PRKAB1: variants seen among roughly 807,000 people sequenced by gnomAD.
The protein encoded by PRKAB1 is 5'-AMP-activated protein kinase subunit beta-1.
In PRKAB1, 18 loss-of-function variants were observed where a neutral mutation model predicts 32.0. The observed-to-expected ratio is 0.56, with a 90% confidence interval of 0.39 to 0.83. PRKAB1 has a LOEUF of 0.83. PRKAB1 is among the 40% of genes least tolerant of loss of function. The probability of loss-of-function intolerance (pLI) is 0.00; values close to 1 mark genes in which losing one functional copy is unlikely to be tolerated. For synonymous variants in PRKAB1, 141 were observed against 141.4 expected, an observed-to-expected ratio of 1.00 and a Z score of 0.02; for missense variants, 263 against 352.6, an observed-to-expected ratio of 0.75 and a Z score of 2.03.
In PRKAB1 at chr12:119,674,156, A is replaced by C; in HGVS notation, c.417+99A>C. On this transcript the variant is annotated intron_variant, in intron 3 of 6. Transcript: ENST00000229328. This position sits in a 1 kb window ranked among gnomAD's most constrained non-coding sequence, Gnocchi z 4.3. ...GCTAGGTCCCTTTGCCCAGCTAGTAAAAGTCCCCGTGTGTGGCAGAGCTGA... is the reference window on the plus strand; with the variant it reads ...GCTAGGTCCCTTTGCCCAGCTAGTACAAGTCCCCGTGTGTGGCAGAGCTGA... 1 of 1,228,872 alleles carries C rather than the reference A, an allele frequency of 8.1e-7. No homozygotes were observed. Among genetic ancestry groups the C allele is most frequent in the Non-Finnish European group, 1.2e-6 (1 of 855,570 alleles). The allele number at this position is 1,228,872 out of a possible 1,614,324, so 76.1% of individuals were successfully genotyped here.
rs750394660 is a variant in PRKAB1, at chr12:119,673,998, G to C, written c.358G>C (p.Glu120Gln). The stretch of plus-strand genomic sequence containing the variant: ...CTTTGTAGCCATCCTGGATCTGCCG[G>C]AAGGAGAGCATCAGTACAAGTTCTT... ...NNFVAILDLP[E>Q]GEHQYKFFVD... Residue 120 changes from glutamate (E) to glutamine (Q), a missense_variant, in exon 3 of 7, where the codon GAA (glutamate) becomes CAA (glutamine). Glu to Gln is a conservative substitution (Grantham distance 29). Coordinates refer to ENST00000229328, the MANE Select transcript of PRKAB1 (RefSeq NM_006253.5). 6.2e-7 allele frequency: 1 copy of C among 1,614,004 alleles called. No individual in the cohort carries two copies. Among genetic ancestry groups the C allele is most frequent in the South Asian group, 1.1e-5 (1 of 91,066 alleles).
rs1159091529 is a variant in PRKAB1, at chr12:119,679,380, G to A, written c.667-553G>A. The A allele has an allele frequency of 6.3e-6, 1 of 157,848 alleles. No individual in the cohort carries two copies. The highest frequency in any genetic ancestry group is 2.4e-5 in the African/African-American group (1 of 41,466). 9.8% of individuals were successfully genotyped at this position (157,848 alleles called of 1,614,324 possible). ...ATTTGAATTGCATTTATAACAGTTG[G>A]GGGTATACAATGAAAAAATAAATCC... On this transcript the variant is annotated intron_variant, in intron 5 of 6. Coordinates refer to ENST00000229328, the MANE Select transcript of PRKAB1 (RefSeq NM_006253.5). This position sits in a 1 kb window ranked among gnomAD's most constrained non-coding sequence, Gnocchi z 4.1.
intron 5 of PRKAB1, chr12:119,677,965 C>A (rs374992155): frequency 6.6e-6 from 1 of 152,214 alleles, no homozygotes; most frequent in East Asian, 1.9e-4. Flanking sequence ...GGGGTTTCAC[C>A]ATGTTAGCCA....
At chr12:119,671,026 T>C (rs2136851161) in intron 1 of PRKAB1, among the ~76,000 whole-genome samples, 1 of 152,368 alleles carries the variant, frequency 6.6e-6, no homozygotes, top group African/African-American at 2.4e-5. Context: ...ACTACATATG[T>C]CATCCAGATA....
intron 6 of PRKAB1, 101 bp downstream of exon 6, chr12:119,680,102 T>C: frequency 6.6e-7 from 1 of 1,507,124 alleles, no homozygotes; most frequent in Non-Finnish European, 9.2e-7. Flanking sequence ...AAAGGGCAGC[T>C]TCCAGGGTCT....
chr12:119,676,574 G>A lies in PRKAB1; in HGVS notation c.570G>A (p.Glu190=), dbSNP rs1339234565. Residue 190 remains glutamate, a synonymous_variant, in exon 5 of 7, where the codon GAG becomes GAA. Coordinates refer to ENST00000229328, the MANE Select transcript of PRKAB1 (RefSeq NM_006253.5). The stretch of plus-strand genomic sequence containing the variant: ...CTCCCCCAGGACCCTACCATCAGGA[G>A]CCCTACGTCTGCAAACCCGAAGAGC... ...SSSPPGPYHQ[E]PYVCKPEERF... The A allele has an allele frequency of 1.2e-6, 2 of 1,613,612 alleles. No individual in the cohort carries two copies. Among genetic ancestry groups the A allele is most frequent in the Non-Finnish European group, 8.5e-7 (1 of 1,179,606 alleles).
chr12:119,680,092 A>G, intron 6 of PRKAB1, 91 bp downstream of exon 6: 1 of 1,518,570 alleles, frequency 6.6e-7, no homozygotes, highest in Non-Finnish European at 9.1e-7. Context: ...GGACTGACTT[A>G]AAGGGCAGCT....
Position 119,673,963 on chromosome 12 carries a change from G to A in PRKAB1, c.324-1G>A. On this transcript the variant is annotated splice_acceptor_variant, in intron 2 of 6. Coordinates refer to ENST00000229328, the MANE Select transcript of PRKAB1 (RefSeq NM_006253.5). LOFTEE classifies it high-confidence loss of function. Reference sequence around the variant, plus strand: ...GTCCTCTGCTTCCTTTTTCCTTGCAGCCACAATAACTTTGTAGCCATCCTG... The same window carrying A: ...GTCCTCTGCTTCCTTTTTCCTTGCAACCACAATAACTTTGTAGCCATCCTG... 6.2e-7 allele frequency: 1 copy of A among 1,610,582 alleles called. No individual in the cohort carries two copies. The highest frequency in any genetic ancestry group is 8.5e-7 in the Non-Finnish European group (1 of 1,178,710).
intron 1 of PRKAB1, chr12:119,671,463 T>C (rs985282090): frequency 4.8e-6 from 2 of 418,058 alleles, no homozygotes; most frequent in Admixed American, 5.1e-5. Context: ...CTTAGGAAAC[T>C]TACAATCATG....
Position 119,680,234 on chromosome 12 carries a change from ACCTTGTT to A in PRKAB1, c.736-9_736-3del. On this transcript the variant is annotated splice_region_variant and splice_polypyrimidine_tract_variant and intron_variant, in intron 6 of 6. Coordinates refer to ENST00000229328, the MANE Select transcript of PRKAB1 (RefSeq NM_006253.5). ...CTTAGTCCAGCCTTTGATCATTTCC[ACCTTGTT>A]CCTTAGGATGGAGTGATGGTGCTCA... 1 of 1,612,436 alleles carries A rather than the reference ACCTTGTT, an allele frequency of 6.2e-7. No individual in the cohort carries two copies. Among genetic ancestry groups the A allele is most frequent in the Non-Finnish European group, 8.5e-7 (1 of 1,178,708 alleles).
At chr12:119,671,707 C>T (rs1955390126) in intron 1 of PRKAB1, 1 of 215,466 alleles carries the variant, frequency 4.6e-6, no homozygotes, top group Non-Finnish European at 9.8e-6. Flanking sequence ...AACCGTATCA[C>T]CTAGTCTATA....
Position 119,679,579 on chromosome 12 carries a change from C to A in PRKAB1, c.667-354C>A. Reference sequence around the variant, plus strand: ...ATCCATTGCTCAGGAGCGTTTAGTGCAGATGGTCTCTTCCTGTGTTCTCTG... The same window carrying A: ...ATCCATTGCTCAGGAGCGTTTAGTGAAGATGGTCTCTTCCTGTGTTCTCTG... On this transcript the variant is annotated intron_variant, in intron 5 of 6. Coordinates refer to ENST00000229328, the MANE Select transcript of PRKAB1 (RefSeq NM_006253.5). The surrounding 1 kb of genome is among the most constrained non-coding windows in gnomAD (Gnocchi z 4.1). 3.1e-6 allele frequency: 1 copy of A among 318,386 alleles called. No homozygotes were observed. Among genetic ancestry groups the A allele is most frequent in the South Asian group, 2.8e-5 (1 of 35,222 alleles). 19.7% of individuals were successfully genotyped at this position (318,386 alleles called of 1,614,324 possible).
rs116752243 is a variant in PRKAB1, at chr12:119,668,331, G to A, written c.87G>A (p.Lys29=). The change falls in exon 1 of 7, where the codon AAG becomes AAA. Residue 29 remains lysine, a synonymous_variant. Coordinates refer to ENST00000229328, the MANE Select transcript of PRKAB1 (RefSeq NM_006253.5). The part of the protein sequence containing the change: ...TPRRDSSGGT[K]DGDRPKILMD... ...GGAGGGACAGCTCGGGGGGCACCAAGGACGGGGACAGGCCCAAGATCCTGA... is the reference window on the plus strand; with the variant it reads ...GGAGGGACAGCTCGGGGGGCACCAAAGACGGGGACAGGCCCAAGATCCTGA... The A allele has an allele frequency of 1.9e-3, 3,064 of 1,613,120 alleles. 57 individuals are homozygous for A. The African/African-American group carries it at 0.037, about 20-fold the overall frequency.
chr12:119,673,450 ACAG>A (rs1214918449), intron 2 of PRKAB1, among the ~76,000 whole-genome samples: 4 of 152,192 alleles, frequency 2.6e-5, no homozygotes, highest in African/African-American at 9.6e-5. Flanking sequence ...GCCACTCAGC[ACAG>A]CAGTCACAGG....
rs973353288 is a variant in PRKAB1 at position 119,674,165 on chromosome 12, G to A, written c.417+108G>A. On this transcript the variant is annotated intron_variant, in intron 3 of 6. Transcript: ENST00000229328. The surrounding 1 kb of genome is among the most constrained non-coding windows in gnomAD (Gnocchi z 4.3). ...CTTTGCCCAGCTAGTAAAAGTCCCC[G>A]TGTGTGGCAGAGCTGAGTAGCAGCA... The A allele has an allele frequency of 1.1e-5, 13 of 1,135,204 alleles. 1 individual carries two copies. Among genetic ancestry groups the A allele is most frequent in the Middle Eastern group, 2.6e-4 (1 of 3,868 alleles). 70.3% of individuals were successfully genotyped at this position (1,135,204 alleles called of 1,614,324 possible). A position where few individuals can be genotyped will look rare whatever the true frequency, so the allele number is the denominator to read the frequency against.
At chr12:119,672,790 C>T (rs544976465) in intron 2 of PRKAB1, among the ~76,000 whole-genome samples, 1 of 152,342 alleles carries the variant, frequency 6.6e-6, no homozygotes, top group South Asian at 2.1e-4. Flanking sequence ...TAGAAACCCA[C>T]ATTTGAGCCC....
At chr12:119,676,284 C>T (rs1474237378) in intron 4 of PRKAB1, among the ~76,000 whole-genome samples, 1 of 152,202 alleles carries the variant, frequency 6.6e-6, no homozygotes, top group Non-Finnish European at 1.5e-5. Flanking sequence ...CTGACGCAGA[C>T]TCACTGGCTG....
At chr12:119,671,373 A>G (rs1165698145) in intron 1 of PRKAB1, 1 of 271,202 alleles carries the variant, frequency 3.7e-6, no homozygotes, top group African/African-American at 2.2e-5. Flanking sequence ...TTCTCATGCT[A>G]CTATGTAGAA....
chr12:119,680,717 G>C lies in PRKAB1; in HGVS notation c.*392G>C, dbSNP rs572372003. ...TAAAATTCTGGGAAACAGGGACTGA[G>C]GCCACACATCATTTCCAGTCATCTG... On this transcript the variant is annotated 3_prime_UTR_variant, in exon 7 of 7. Coordinates refer to ENST00000229328, the MANE Select transcript of PRKAB1 (RefSeq NM_006253.5). 9 of 197,094 alleles carry C rather than the reference G, an allele frequency of 4.6e-5. No individual in the cohort carries two copies. Among genetic ancestry groups the C allele is most frequent in the Non-Finnish European group, 9.5e-5 (9 of 94,992 alleles). The allele number at this position is 197,094 out of a possible 1,614,324, so 12.2% of individuals were successfully genotyped here. A position where few individuals can be genotyped will look rare whatever the true frequency, so the allele number is the denominator to read the frequency against.
Sources: allele counts gnomAD v4.1 joint callset (sites outside exome capture counted in the v4.1 genomes callset), GRCh38; gene constraint gnomAD v4.1.1; non-coding constraint Gnocchi (gnomAD v3.1); transcripts MANE v1.5; gene names NCBI Gene and HGNC (gene_info 2026-07-23, HGNC 2026-07-21).